PTPRE: variants seen among roughly 807,000 people sequenced by gnomAD.
PTPRE encodes the protein receptor-type tyrosine-protein phosphatase epsilon.
Under a neutral mutation model 102.0 loss-of-function variants are expected in PTPRE, and 51 were observed. That is an observed-to-expected ratio of 0.50 (90% CI 0.40 to 0.63). PTPRE has a LOEUF of 0.63. PTPRE is among the 30% of genes least tolerant of loss of function. PTPRE has a pLI of 0.00. For missense variants in PTPRE, 752 were observed against 915.1 expected (o/e 0.82, Z 2.30); for synonymous variants, 345 against 348.2 (o/e 0.99, Z 0.10).
At chr10:128,022,039 G>T (rs1221686853) in intron 2 of PTPRE, among the ~76,000 whole-genome samples, 1 of 152,238 alleles carries the variant, frequency 6.6e-6, no homozygotes, top group African/African-American at 2.4e-5. Context: ...GGAAGTATTG[G>T]TTTATTCATG....
At chr10:127,935,645 A>G (rs1201492859) in intron 1 of PTPRE, among the ~76,000 whole-genome samples, 2 of 151,894 alleles carry the variant, frequency 1.3e-5, no homozygotes, top group African/African-American at 2.4e-5. Flanking sequence ...TCTGCGGAGT[A>G]CCCTGGCTTG....
chr10:128,081,031 C>A (rs1384189292), intron 20 of PTPRE, among the ~76,000 whole-genome samples: 1 of 152,074 alleles, frequency 6.6e-6, no homozygotes, highest in Non-Finnish European at 1.5e-5. Context: ...AGGGGCCTGC[C>A]TGAGATCTTC....
At position 128,002,295 on chromosome 10, in the gene PTPRE, G is replaced by A. The variant is rs1158678259; in HGVS notation, c.-8+19999G>A. 4.6e-5 allele frequency among the ~76,000 whole-genome samples: 7 copies of A among 152,310 alleles called. No individual in the cohort carries two copies. In the East Asian group the frequency reaches 1.4e-3, roughly 29 times the overall value. On this transcript the variant is annotated intron_variant, in intron 2 of 20. Coordinates refer to ENST00000254667, the MANE Select transcript of PTPRE (RefSeq NM_006504.6). ...GCTGCGGGCATCGAGGGGGAACAAG[G>A]CCATCAGGAGGAAGTGGGCAAGGAC...
intron 1 of PTPRE, among the ~76,000 whole-genome samples, chr10:127,914,386 C>G (rs563597209): frequency 1.3e-5 from 2 of 152,294 alleles, no homozygotes; most frequent in Middle Eastern, 3.4e-3. Context: ...TTTGCGGACA[C>G]CGGTGGCCTG....
intron 2 of PTPRE, among the ~76,000 whole-genome samples, chr10:128,036,131 T>C (rs989392051): frequency 6.6e-6 from 1 of 152,060 alleles, no homozygotes; most frequent in African/African-American, 2.4e-5. Flanking sequence ...CCTGGGTGTG[T>C]ACCTCGACCT....
At chr10:128,003,411 A>G (rs1439709397) in intron 2 of PTPRE, among the ~76,000 whole-genome samples, 1 of 152,230 alleles carries the variant, frequency 6.6e-6, no homozygotes, top group Non-Finnish European at 1.5e-5. Flanking sequence ...CATTAAAAAT[A>G]TTAGCACTGT....
intron 6 of PTPRE, among the ~76,000 whole-genome samples, chr10:128,050,726 C>T (rs1205022779): frequency 6.6e-6 from 1 of 152,178 alleles, no homozygotes; most frequent in Non-Finnish European, 1.5e-5. Flanking sequence ...AGCTGTCTTC[C>T]ACCACCTAGG....
At chr10:127,937,985 T>G in intron 1 of PTPRE, among the ~76,000 whole-genome samples, 1 of 152,160 alleles carries the variant, frequency 6.6e-6, no homozygotes, top group African/African-American at 2.4e-5. Context: ...TTCAAGTAGG[T>G]AACGCTCTCT....
In PTPRE at chr10:128,029,928, G is replaced by C. The variant is rs947452982; in HGVS notation, c.-7-10947G>C. ...TCTGAAAGAGTTTTGTAGAGAGATT[G>C]CTCTTCTGGGGGCGGGGACAGGACA... On this transcript the variant is annotated intron_variant, in intron 2 of 20. Transcript: ENST00000254667. Among the ~76,000 whole-genome samples, 5 of 152,220 alleles carry C rather than the reference G, an allele frequency of 3.3e-5. 1 individual carries two copies. Among genetic ancestry groups the C allele is most frequent in the Admixed American group, 2.0e-4 (3 of 15,288 alleles).
At chr10:128,052,753 C>T (rs993549776) in intron 6 of PTPRE, among the ~76,000 whole-genome samples, 3 of 152,166 alleles carry the variant, frequency 2.0e-5, no homozygotes, top group Non-Finnish European at 4.4e-5. Flanking sequence ...CACACTGATA[C>T]GTGCTGTAAA....
At chr10:127,973,062 C>T (rs967380491) in intron 1 of PTPRE, among the ~76,000 whole-genome samples, 1 of 152,316 alleles carries the variant, frequency 6.6e-6, no homozygotes, top group African/African-American at 2.4e-5. Flanking sequence ...AAACAGAATG[C>T]CTGTCAAACA....
At chr10:127,982,924 A>T (rs779531382) in intron 2 of PTPRE, among the ~76,000 whole-genome samples, 2 of 152,212 alleles carry the variant, frequency 1.3e-5, no homozygotes, top group Admixed American at 6.5e-5. Flanking sequence ...TAAATTTCCT[A>T]AACAAATCGA....
At chr10:127,974,202 T>C (rs1469439098) in intron 1 of PTPRE, among the ~76,000 whole-genome samples, 2 of 152,184 alleles carry the variant, frequency 1.3e-5, no homozygotes, top group Non-Finnish European at 2.9e-5. Flanking sequence ...CTCACAGCAG[T>C]GATTTATTGG....
At chr10:127,981,607 C>T (rs1056152391) in intron 1 of PTPRE, among the ~76,000 whole-genome samples, 1 of 152,082 alleles carries the variant, frequency 6.6e-6, no homozygotes, top group Admixed American at 6.5e-5. Flanking sequence ...CACTTGAGGC[C>T]AGGAGTTCGA....
chr10:127,924,562 G>C (rs946400137), intron 1 of PTPRE, among the ~76,000 whole-genome samples: 4 of 152,166 alleles, frequency 2.6e-5, no homozygotes, highest in Non-Finnish European at 5.9e-5. Flanking sequence ...AGATCAGGCA[G>C]ACATGGGATT....
chr10:127,971,061 C>T (rs1441398024), intron 1 of PTPRE, among the ~76,000 whole-genome samples: 1 of 152,174 alleles, frequency 6.6e-6, no homozygotes, highest in Admixed American at 6.5e-5. Flanking sequence ...CACACAGCGG[C>T]AGAGGTCTCT....
chr10:128,007,521 G>C (rs117310576), intron 2 of PTPRE, among the ~76,000 whole-genome samples: 2,003 of 152,314 alleles, frequency 0.013, 22 homozygotes, highest in Non-Finnish European at 0.02. Flanking sequence ...GAAAGGGGAT[G>C]TTTGTCTGTT....
chr10:127,909,988 C>T (rs1040791888), intron 1 of PTPRE, among the ~76,000 whole-genome samples: 1 of 152,194 alleles, frequency 6.6e-6, no homozygotes, highest in African/African-American at 2.4e-5. Flanking sequence ...CCCAGGGAGG[C>T]AGGCTTGGGA....
chr10:128,047,726 T>G lies in PTPRE; in HGVS notation c.210-38T>G, dbSNP rs1263818550. The G allele has an allele frequency of 3.1e-6, 5 of 1,613,542 alleles. No individual in the cohort carries two copies. In the South Asian group the frequency reaches 5.5e-5, roughly 18 times the overall value. ...GAGCGCTGTTGGCTCTCGGGGAACC[T>G]AGAAGTGTGGAAACCTAACGCATCC... On this transcript the variant is annotated intron_variant, in intron 4 of 20. Coordinates refer to ENST00000254667, the MANE Select transcript of PTPRE (RefSeq NM_006504.6).
Sources: allele counts gnomAD v4.1 joint callset (sites outside exome capture counted in the v4.1 genomes callset), GRCh38; gene constraint gnomAD v4.1.1; transcripts MANE v1.5; gene names NCBI Gene and HGNC (gene_info 2026-07-23, HGNC 2026-07-21).